The following PXK variants were observed in gnomAD, a reference collection of about 807,000 sequenced individuals.
The protein encoded by PXK is PX domain containing serine/threonine kinase like.
A neutral mutation model predicts 84.7 loss-of-function variants in PXK; 35 were observed. The ratio of observed to expected loss-of-function variants is 0.41; its 90% confidence interval spans 0.32 to 0.55. The LOEUF is 0.55. Among genes scored for constraint, PXK ranks in the 20% least tolerant of loss-of-function variants. PXK has a pLI of 0.21. For synonymous variants in PXK, 253 were observed against 260.8 expected (o/e 0.97, Z 0.29); for missense variants, 634 against 699.7 (o/e 0.91, Z 1.06).
intron 2 of PXK, among the ~76,000 whole-genome samples, chr3:58,369,096 T>A (rs75800799): frequency 1.4e-5 from 2 of 147,290 alleles, no homozygotes; most frequent in Non-Finnish European, 3.0e-5. Context: ...CTTTTTTTTT[T>A]AAGTCATTCA....
At chr3:58,396,981 C>T (rs2057772552) in intron 9 of PXK, 58 bp from the exon 10 acceptor site, 2 of 1,514,572 alleles carry the variant, frequency 1.3e-6, no homozygotes, top group African/African-American at 2.8e-5. Flanking sequence ...CAAAGTTTAA[C>T]TTGTCTTATA....
At position 58,391,864 on chromosome 3, in the gene PXK, CT is replaced by C; in HGVS notation, c.615+21del. The C allele has an allele frequency of 2.5e-6, 4 of 1,585,556 alleles. No individual in the cohort carries two copies. The highest frequency in any genetic ancestry group is 2.6e-6 in the Non-Finnish European group (3 of 1,155,008). On this transcript the variant is annotated intron_variant, in intron 7 of 17. Transcript: ENST00000356151. ...TCTTGTTTGGTGAGTATACGTCTTT[CT>C]TTTATTCTCAGTGCTGATGATAGAG... is the stretch of plus-strand genomic sequence containing the variant.
At position 58,398,243 on chromosome 3, in the gene PXK, T is replaced by A. The variant is rs3922712; in HGVS notation, c.1102+521T>A. The stretch of plus-strand genomic sequence containing the variant: ...TAATGAAACCCCATCTGTACTAAAA[T>A]TACAAAAATTAGCTGGGCGTGGAGG... On this transcript the variant is annotated intron_variant, in intron 11 of 17. Coordinates refer to ENST00000356151, the MANE Select transcript of PXK (RefSeq NM_017771.5). This position sits in a 1 kb window ranked among gnomAD's most constrained non-coding sequence, Gnocchi z 4.5. Among the ~76,000 whole-genome samples, 75,794 of 151,790 alleles carry A rather than the reference T, an allele frequency of 0.5. 19,898 individuals are homozygous for A. Among genetic ancestry groups the A allele is most frequent in the Middle Eastern group, 0.56 (163 of 292 alleles).
At chr3:58,375,041 A>T (rs1429078758) in intron 3 of PXK, among the ~76,000 whole-genome samples, 1 of 152,188 alleles carries the variant, frequency 6.6e-6, no homozygotes, top group Non-Finnish European at 1.5e-5. Flanking sequence ...CAATACATTT[A>T]AAAAAGTGAA....
intron 1 of PXK, among the ~76,000 whole-genome samples, chr3:58,349,751 TA>T (rs1432394622): frequency 6.6e-6 from 1 of 152,178 alleles, no homozygotes; most frequent in Non-Finnish European, 1.5e-5. Flanking sequence ...AAAATTAAGC[TA>T]AAAATTCAGT....
intron 1 of PXK, among the ~76,000 whole-genome samples, chr3:58,348,991 G>A (rs1161035535): frequency 6.6e-6 from 1 of 152,094 alleles, no homozygotes; most frequent in Non-Finnish European, 1.5e-5. Flanking sequence ...TACAATTACA[G>A]CATATCTCAA....
chr3:58,386,461 A>AT (rs1044704978), intron 4 of PXK, among the ~76,000 whole-genome samples: 5 of 150,852 alleles, frequency 3.3e-5, no homozygotes, highest in Admixed American at 6.6e-5. Context: ...TGCCAAGCTA[A>AT]TTTTTTTGTA....
At chr3:58,422,500 T>C in intron 17 of PXK, 3 of 985,400 alleles carry the variant, frequency 3.0e-6, no homozygotes, top group Non-Finnish European at 3.6e-6. Context: ...TTGGACAGTG[T>C]ATTTATTGAC....
At chr3:58,376,492 C>T (rs943410135) in intron 3 of PXK, among the ~76,000 whole-genome samples, 1 of 152,068 alleles carries the variant, frequency 6.6e-6, no homozygotes, top group Non-Finnish European at 1.5e-5. Flanking sequence ...CTTAAAGTCC[C>T]AGTTTGTAAG....
intron 17 of PXK, chr3:58,420,895 C>T: frequency 8.8e-7 from 1 of 1,138,320 alleles, no homozygotes; most frequent in South Asian, 2.4e-5. Context: ...TCTCAAAGTC[C>T]CGTTGCTGCA....
intron 17 of PXK, chr3:58,420,850 G>T: frequency 8.0e-7 from 1 of 1,243,006 alleles, no homozygotes; most frequent in Non-Finnish European, 1.0e-6. Context: ...CAACTGCATG[G>T]CATTTTGGTA....
intron 12 of PXK, among the ~76,000 whole-genome samples, chr3:58,403,608 G>A (rs1304423560): frequency 1.3e-5 from 2 of 152,150 alleles, no homozygotes; most frequent in South Asian, 4.1e-4. Flanking sequence ...ATTGCCCATA[G>A]CAGGGAAACC....
chr3:58,395,852 T>A, intron 9 of PXK, 93 bp downstream of exon 9: 1 of 1,017,144 alleles, frequency 9.8e-7, no homozygotes, highest in Non-Finnish European at 1.5e-6. Flanking sequence ...CAAAATTACT[T>A]AAGTTGTCTG....
rs1559869798 is a variant in PXK, at chr3:58,346,665, CTTTTTTTTTTT to C, written c.102+13576_102+13586del. 2.1e-5 allele frequency among the ~76,000 whole-genome samples: 3 copies of C among 146,316 alleles called. No homozygotes were observed. The South Asian group carries it at 6.4e-4, about 31-fold the overall frequency. ...TATAATTATTTTTCTTTTTTCTTTT[CTTTTTTTTTTT>C]GAAACAGAGTCTCACTCTGTCACCA... On this transcript the variant is annotated intron_variant, in intron 1 of 17. Coordinates refer to ENST00000356151, the MANE Select transcript of PXK (RefSeq NM_017771.5).
At chr3:58,351,097 C>T (rs980601185) in intron 1 of PXK, among the ~76,000 whole-genome samples, 1 of 152,140 alleles carries the variant, frequency 6.6e-6, no homozygotes, top group Non-Finnish European at 1.5e-5. Flanking sequence ...AGTAAAATGA[C>T]CAAAAGCTCC....
chr3:58,401,247 C>T lies in PXK; in HGVS notation c.1181+1870C>T, dbSNP rs530721625. 2.0e-5 allele frequency among the ~76,000 whole-genome samples: 3 copies of T among 152,244 alleles called. No individual in the cohort carries two copies. The highest frequency in any genetic ancestry group is 4.4e-5 in the Non-Finnish European group (3 of 68,010). On this transcript the variant is annotated intron_variant, in intron 12 of 17. Coordinates refer to ENST00000356151, the MANE Select transcript of PXK (RefSeq NM_017771.5). This position sits in a 1 kb window ranked among gnomAD's most constrained non-coding sequence, Gnocchi z 4.4. ...AAGAGATGTGTGGCTGAGGGACAGG[C>T]GGGGCCCTGAAGAGCCCTGTGGGGA... is the stretch of plus-strand genomic sequence containing the variant.
At chr3:58,371,697 G>C (rs1210565121) in intron 3 of PXK, among the ~76,000 whole-genome samples, 1 of 152,090 alleles carries the variant, frequency 6.6e-6, no homozygotes, top group African/African-American at 2.4e-5. Flanking sequence ...TTTTAATATA[G>C]TGAATTTTAT....
chr3:58,393,325 GCA>G (rs1272625945), intron 7 of PXK, among the ~76,000 whole-genome samples: 1 of 152,002 alleles, frequency 6.6e-6, no homozygotes, highest in Non-Finnish European at 1.5e-5. Flanking sequence ...TCCAGCCTGG[GCA>G]ACAGAGCAGA....
rs72870798 is a variant in PXK, at chr3:58,354,853, C to T, written c.103-11021C>T. On this transcript the variant is annotated intron_variant, in intron 1 of 17. Transcript: ENST00000356151. ...CTGGCCAGGTGTGGTGGCAGTGGCTCGCGCTTGTAATCCCAACACTTTTGG... is the reference window on the plus strand; with the variant it reads ...CTGGCCAGGTGTGGTGGCAGTGGCTTGCGCTTGTAATCCCAACACTTTTGG... Among the ~76,000 whole-genome samples, 404 of 152,124 alleles carry T rather than the reference C, an allele frequency of 2.7e-3. 2 individuals are homozygous for T. The highest frequency in any genetic ancestry group is 9.2e-3 in the African/African-American group (383 of 41,530).
Sources: allele counts gnomAD v4.1 joint callset (sites outside exome capture counted in the v4.1 genomes callset), GRCh38; gene constraint gnomAD v4.1.1; non-coding constraint Gnocchi (gnomAD v3.1); transcripts MANE v1.5; gene names NCBI Gene and HGNC (gene_info 2026-07-23, HGNC 2026-07-21).